The following ALK variants were observed in gnomAD, a reference collection of about 807,000 sequenced individuals.
ALK encodes the protein ALK receptor tyrosine kinase, also known as ALK tyrosine kinase receptor.
ALK carries 74 observed loss-of-function variants against 163.1 expected under a neutral mutation model. That is an observed-to-expected ratio of 0.45 (90% CI 0.38 to 0.55). The LOEUF (loss-of-function observed/expected upper bound fraction) is 0.55, where lower values mean the gene tolerates loss of function less well. Ranked by LOEUF, ALK falls within the 20% of genes least tolerant of loss-of-function variation. The probability of loss-of-function intolerance (pLI) is 0.00; values close to 1 mark genes in which losing one functional copy is unlikely to be tolerated. For missense variants in ALK, 2,063 were observed against 2,105.3 expected, an observed-to-expected ratio of 0.98 and a Z score of 0.39; for synonymous variants, 960 against 843.2, an observed-to-expected ratio of 1.14 and a Z score of -2.40.
chr2:29,389,605 A>G (rs1290395854), intron 4 of ALK, among the ~76,000 whole-genome samples: 1 of 152,216 alleles, frequency 6.6e-6, no homozygotes, highest in East Asian at 1.9e-4. Flanking sequence ...CACTCAAAAA[A>G]TATTTGTTGA....
chr2:29,590,901 T>C (rs924172412), intron 3 of ALK, among the ~76,000 whole-genome samples: 2 of 150,906 alleles, frequency 1.3e-5, no homozygotes, highest in African/African-American at 4.9e-5. Context: ...GAAACCCCGT[T>C]TCTACTAAAA....
At chr2:29,527,841 G>A (rs944268874) in intron 4 of ALK, among the ~76,000 whole-genome samples, 1 of 151,964 alleles carries the variant, frequency 6.6e-6, no homozygotes, top group Non-Finnish European at 1.5e-5. Context: ...CCTTCATCAC[G>A]TCACATTACA....
intron 1 of ALK, among the ~76,000 whole-genome samples, chr2:29,903,454 A>G (rs2148432418): frequency 6.6e-6 from 1 of 152,252 alleles, no homozygotes. Context: ...GATGAGTCAA[A>G]CACTCCCTTG....
chr2:29,872,310 C>A (rs1258268712), intron 1 of ALK, among the ~76,000 whole-genome samples: 1 of 152,158 alleles, frequency 6.6e-6, no homozygotes, highest in African/African-American at 2.4e-5. Context: ...GAAATCCTTC[C>A]AAGCCTCAAT....
At chr2:29,501,564 G>A (rs112752880) in intron 4 of ALK, among the ~76,000 whole-genome samples, 2 of 152,094 alleles carry the variant, frequency 1.3e-5, no homozygotes, top group African/African-American at 4.8e-5. Flanking sequence ...TCCTCCTTCC[G>A]GGGGAAAGTA....
chr2:29,486,382 A>G (rs12714285), intron 4 of ALK, among the ~76,000 whole-genome samples: 39,527 of 152,078 alleles, frequency 0.26, 5,487 homozygotes, highest in Middle Eastern at 0.34. Context: ...ACTGTTTGGT[A>G]TGAAATGAGT....
chr2:29,776,696 C>T (rs1033305339), intron 1 of ALK, among the ~76,000 whole-genome samples: 1 of 152,090 alleles, frequency 6.6e-6, no homozygotes, highest in Admixed American at 6.5e-5. Flanking sequence ...ACTCAGGAGG[C>T]TGAGGTGGGA....
intron 7 of ALK, among the ~76,000 whole-genome samples, chr2:29,318,815 C>T (rs1465649845): frequency 1.3e-5 from 2 of 152,156 alleles, no homozygotes; most frequent in Non-Finnish European, 2.9e-5. Flanking sequence ...ATCTGCCCGT[C>T]TCGGCCTCCC....
chr2:29,376,710 GA>G (rs1002533646), intron 5 of ALK, among the ~76,000 whole-genome samples: 22 of 152,330 alleles, frequency 1.4e-4, no homozygotes, highest in Admixed American at 1.3e-3. Context: ...TGTTGGAAGA[GA>G]AAATGCCCAG....
At chr2:29,736,702 G>C (rs1679901376) in intron 1 of ALK, among the ~76,000 whole-genome samples, 1 of 151,988 alleles carries the variant, frequency 6.6e-6, no homozygotes, top group South Asian at 2.1e-4. Context: ...TTTATAGAAT[G>C]AGTGATTTTA....
At chr2:29,545,427 A>G (rs552034934) in intron 3 of ALK, among the ~76,000 whole-genome samples, 71 of 152,346 alleles carry the variant, frequency 4.7e-4, no homozygotes, top group African/African-American at 1.4e-3. Context: ...GACATTTAGA[A>G]TAAAGAGGAG....
At chr2:29,411,597 T>A (rs1669726602) in intron 4 of ALK, among the ~76,000 whole-genome samples, 1 of 152,132 alleles carries the variant, frequency 6.6e-6, no homozygotes, top group Non-Finnish European at 1.5e-5. Context: ...GTCTTCAAAC[T>A]TTTTGAGGAC....
intron 1 of ALK, among the ~76,000 whole-genome samples, chr2:29,828,347 C>G (rs1268477104): frequency 6.6e-6 from 1 of 152,152 alleles, no homozygotes; most frequent in Admixed American, 6.5e-5. Flanking sequence ...AGCTTCTGCA[C>G]AGCAAAAGAA....
At chr2:29,911,432 C>T (rs963377601) in intron 1 of ALK, among the ~76,000 whole-genome samples, 10 of 152,170 alleles carry the variant, frequency 6.6e-5, no homozygotes, top group Admixed American at 2.0e-4. Flanking sequence ...TTTTGTTTCT[C>T]TTTATCATCT....
At position 29,224,319 on chromosome 2, in the gene ALK, G is replaced by T. The variant is rs35780121; in HGVS notation, c.3173-791C>A. On this transcript the variant is annotated intron_variant, in intron 19 of 28. Transcript: ENST00000389048. Reference sequence around the variant, plus strand: ...CTGAGCCATGAGGACCAGGTCACAGGACCTCTTTGGACTGCAGTTTCCCTC... The same window carrying T: ...CTGAGCCATGAGGACCAGGTCACAGTACCTCTTTGGACTGCAGTTTCCCTC... 5.3e-3 allele frequency among the ~76,000 whole-genome samples: 801 copies of T among 152,258 alleles called. 3 individuals carry two copies. Among genetic ancestry groups the T allele is most frequent in the Non-Finnish European group, 6.5e-3 (444 of 68,016 alleles).
In ALK at chr2:29,478,681, C is replaced by T. The variant is rs890960791; in HGVS notation, c.1154+53234G>A. ...GAGGATTGATGCCGATCTGTATCAA[C>T]GATGAGCATGGACATATTCAAAGAA... is the stretch of plus-strand genomic sequence containing the variant. On this transcript the variant is annotated intron_variant, in intron 4 of 28. Transcript: ENST00000389048. Among the ~76,000 whole-genome samples the T allele has an allele frequency of 1.3e-4, 20 of 152,194 alleles. 1 individual carries two copies. The highest frequency in any genetic ancestry group is 7.7e-4 in the East Asian group (4 of 5,194).
intron 5 of ALK, among the ~76,000 whole-genome samples, chr2:29,343,942 G>C (rs1424786892): frequency 6.6e-6 from 1 of 152,100 alleles, no homozygotes; most frequent in Non-Finnish European, 1.5e-5. Flanking sequence ...CTACTAAGCA[G>C]AGTCTACAAT....
intron 8 of ALK, among the ~76,000 whole-genome samples, chr2:29,302,742 A>G (rs1478334133): frequency 6.6e-6 from 1 of 152,120 alleles, no homozygotes; most frequent in East Asian, 1.9e-4. Flanking sequence ...ATTTTTTTTC[A>G]TCCACTGAGT....
chr2:29,217,518 C>CACA (rs550565588), intron 23 of ALK, among the ~76,000 whole-genome samples: 4,415 of 152,146 alleles, frequency 0.029, 193 homozygotes, highest in African/African-American at 0.1. Flanking sequence ...ATTTCGTTTC[C>CACA]ACAACAGGCA....
Sources: allele counts gnomAD v4.1 joint callset (sites outside exome capture counted in the v4.1 genomes callset), GRCh38; gene constraint gnomAD v4.1.1; transcripts MANE v1.5; gene names NCBI Gene and HGNC (gene_info 2026-07-23, HGNC 2026-07-21).